LRP1B: variants seen among roughly 807,000 people sequenced by gnomAD.
The protein encoded by LRP1B is LDL receptor related protein 1B, also known as low-density lipoprotein receptor-related protein 1B.
In LRP1B, 217 loss-of-function variants were observed where a neutral mutation model predicts 556.6. The ratio of observed to expected loss-of-function variants is 0.39; its 90% CI spans 0.35 to 0.44. The LOEUF (loss-of-function observed/expected upper bound fraction) is 0.44, where lower values mean the gene tolerates loss of function less well. Among genes scored for constraint, LRP1B ranks in the 20% least tolerant of loss-of-function variants. The pLI is 1.00. For missense variants in LRP1B, 5,053 were observed against 5,620.8 expected (o/e 0.90, Z 3.23); for synonymous variants, 2,047 against 1,865.8 (o/e 1.10, Z -2.50).
chr2:141,308,917 T>A (rs1686703075), intron 3 of LRP1B, among the ~76,000 whole-genome samples: 1 of 152,166 alleles, frequency 6.6e-6, no homozygotes, highest in Non-Finnish European at 1.5e-5. Flanking sequence ...TCACATCTCA[T>A]ATAATTTAAA....
chr2:141,131,649 G>A (rs984746008), intron 7 of LRP1B, among the ~76,000 whole-genome samples: 3 of 150,054 alleles, frequency 2.0e-5, no homozygotes, highest in African/African-American at 7.4e-5. Context: ...TATCTCTGAG[G>A]TGGGCTGCTA....
Position 140,487,678 on chromosome 2 carries a change from T to G in LRP1B, c.9182A>C (p.Asp3061Ala), listed in dbSNP as rs1267188386. The G allele has an allele frequency of 6.3e-7, 1 of 1,599,896 alleles. No individual in the cohort carries two copies. Among genetic ancestry groups the G allele is most frequent in the Non-Finnish European group, 8.6e-7 (1 of 1,169,210 alleles). ...DYREEFIYWIDSSRPNGSRIN... is the reference protein window; with the variant it reads ...DYREEFIYWIASSRPNGSRIN... ...GCGACTGCCATTGGGTCGGCTAGAA[T>G]CGATCCAATAGATGAATTCTTCTCT... The change falls in exon 58 of 91, where the codon GAT becomes GCT. Residue 3061 changes from aspartate (D) to alanine (A), a missense_variant. Coordinates refer to ENST00000389484, the MANE Select transcript of LRP1B (RefSeq NM_018557.3).
At chr2:140,721,108 C>T (rs961031362) in intron 35 of LRP1B, among the ~76,000 whole-genome samples, 1 of 151,984 alleles carries the variant, frequency 6.6e-6, no homozygotes, top group Non-Finnish European at 1.5e-5. Flanking sequence ...ATTTAGATAA[C>T]CTTTAGGATC....
Position 140,233,995 on chromosome 2 carries a change from A to G in LRP1B, c.13660-669T>C, listed in dbSNP as rs1680583354. On this transcript the variant is annotated intron_variant, in intron 90 of 90. Transcript: ENST00000389484. ...CTGACCTCTTTGAGTTGGAAAACAT[A>G]TACATACAATGTTCACTATTTAACA... 2.0e-5 allele frequency among the ~76,000 whole-genome samples: 3 copies of G among 151,332 alleles called. No individual in the cohort carries two copies. The Admixed American group carries it at 2.0e-4, about 10-fold the overall frequency.
chr2:141,707,530 T>C (rs1489010465), intron 2 of LRP1B, among the ~76,000 whole-genome samples: 1 of 152,166 alleles, frequency 6.6e-6, no homozygotes, highest in East Asian at 1.9e-4. Flanking sequence ...AGAAATGTTG[T>C]GGCAAGTTTC....
At chr2:141,386,499 C>T (rs1689840054) in intron 3 of LRP1B, among the ~76,000 whole-genome samples, 1 of 151,982 alleles carries the variant, frequency 6.6e-6, no homozygotes, top group Non-Finnish European at 1.5e-5. Context: ...CAAAGACACA[C>T]ATAGCTTGAA....
chr2:141,849,074 C>T (rs1297564649), intron 1 of LRP1B, among the ~76,000 whole-genome samples: 1 of 151,572 alleles, frequency 6.6e-6, no homozygotes, highest in Admixed American at 6.6e-5. Flanking sequence ...AATACAAAAT[C>T]AACATGCTAA....
chr2:140,834,619 C>T (rs574650352), intron 31 of LRP1B, among the ~76,000 whole-genome samples: 2 of 152,268 alleles, frequency 1.3e-5, no homozygotes, highest in East Asian at 3.9e-4. Context: ...TTCTCTTTTA[C>T]CACTGTCAAG....
At chr2:141,622,806 C>T (rs1688550664) in intron 2 of LRP1B, among the ~76,000 whole-genome samples, 1 of 152,122 alleles carries the variant, frequency 6.6e-6, no homozygotes, top group South Asian at 2.1e-4. Flanking sequence ...CTGCTCATTC[C>T]AAATTTGTCA....
At chr2:140,699,782 C>T (rs892747768) in intron 41 of LRP1B, among the ~76,000 whole-genome samples, 1 of 146,606 alleles carries the variant, frequency 6.8e-6, no homozygotes, top group African/African-American at 2.5e-5. Flanking sequence ...CATGATATAT[C>T]ATATATAATA....
chr2:141,186,855 GT>G (rs1681280504), intron 7 of LRP1B, among the ~76,000 whole-genome samples: 1 of 151,994 alleles, frequency 6.6e-6, no homozygotes, highest in Non-Finnish European at 1.5e-5. Context: ...CAGATTGGCA[GT>G]TTTATTTGAA....
intron 2 of LRP1B, among the ~76,000 whole-genome samples, chr2:141,513,677 A>T (rs537271207): frequency 2.0e-5 from 3 of 152,206 alleles, no homozygotes; most frequent in African/African-American, 7.2e-5. Flanking sequence ...CTAGACCATT[A>T]TTTATTTATT....
At chr2:141,142,921 CTTTTTT>C (rs35543111) in intron 7 of LRP1B, among the ~76,000 whole-genome samples, 1 of 101,434 alleles carries the variant, frequency 9.9e-6, no homozygotes, top group Non-Finnish European at 1.8e-5. Context: ...TGTCTGATTA[CTTTTTT>C]TTTTTTTTTT....
At chr2:141,423,575 T>C (rs1222340909) in intron 3 of LRP1B, among the ~76,000 whole-genome samples, 2 of 152,020 alleles carry the variant, frequency 1.3e-5, no homozygotes, top group Non-Finnish European at 2.9e-5. Context: ...TAGATGAAAG[T>C]TTTTTGGATA....
At chr2:141,655,610 A>G in intron 2 of LRP1B, among the ~76,000 whole-genome samples, 1 of 152,180 alleles carries the variant, frequency 6.6e-6, no homozygotes, top group East Asian at 1.9e-4. Context: ...ATGTGTTTTA[A>G]TATTAATGGG....
intron 14 of LRP1B, among the ~76,000 whole-genome samples, chr2:141,009,358 G>A (rs1573976620): frequency 6.6e-6 from 1 of 151,814 alleles, no homozygotes; most frequent in Admixed American, 6.6e-5. Flanking sequence ...GACTTTGAAC[G>A]ATGTCAGTCA....
At chr2:142,059,257 G>A (rs1008611827) in intron 1 of LRP1B, among the ~76,000 whole-genome samples, 23 of 152,048 alleles carry the variant, frequency 1.5e-4, no homozygotes, top group African/African-American at 5.6e-4. Flanking sequence ...TATACTAAAA[G>A]TCATAATGAC....
In LRP1B at chr2:140,364,646, C is replaced by T. The variant is rs772624124; in HGVS notation, c.11131+15G>A. The T allele has an allele frequency of 9.3e-6, 15 of 1,607,654 alleles. No homozygotes were observed. The highest frequency in any genetic ancestry group is 2.2e-5 in the East Asian group (1 of 44,624). ...AAGATAAAAGTATAATCTAGAGCCA[C>T]GTGAAATGCCATACCACACATATCA... On this transcript the variant is annotated intron_variant, in intron 72 of 90. Transcript: ENST00000389484.
chr2:141,364,111 C>T (rs1424590409), intron 3 of LRP1B, among the ~76,000 whole-genome samples: 1 of 152,112 alleles, frequency 6.6e-6, no homozygotes, highest in Non-Finnish European at 1.5e-5. Context: ...TTATAATCAG[C>T]ATTCCTGTGA....
Sources: gnomAD v4.1 joint callset for allele counts (sites outside exome capture counted in the v4.1 genomes callset) on GRCh38, gnomAD v4.1.1 for gene constraint, MANE v1.5 for transcripts, NCBI Gene and HGNC (gene_info 2026-07-23, HGNC 2026-07-21) for gene names.